BBS9: variants seen among roughly 807,000 people sequenced by gnomAD.
BBS9 encodes Bardet-Biedl syndrome 9.
In BBS9, 89 loss-of-function variants were observed where a neutral mutation model predicts 117.7. The observed-to-expected ratio is 0.76, with a 90% confidence interval of 0.64 to 0.90. The LOEUF is 0.90. BBS9 is among the 40% of genes least tolerant of loss of function. The pLI is 0.00. For synonymous variants in BBS9, 379 were observed against 370.9 expected (o/e 1.02, Z -0.25); for missense variants, 982 against 1,042.2 (o/e 0.94, Z 0.80).
intron 1 of BBS9, among the ~76,000 whole-genome samples, chr7:33,132,358 A>C (rs1789749773): frequency 6.6e-6 from 1 of 152,334 alleles, no homozygotes; most frequent in South Asian, 2.1e-4. Context: ...TTTTGTTATG[A>C]ATATCAAAAT....
At chr7:33,344,471 A>G in intron 11 of BBS9, 110 bp from the exon 12 acceptor site, 1 of 1,021,740 alleles carries the variant, frequency 9.8e-7, no homozygotes, top group Non-Finnish European at 1.6e-6. Context: ...TAAATCTTTT[A>G]TAGTTTCCTA....
In BBS9 at chr7:33,605,885, C is replaced by T. The variant is rs1864513401; in HGVS notation, c.*659C>T. The T allele has an allele frequency of 1.3e-5, 2 of 152,556 alleles. No homozygotes were observed. The highest frequency in any genetic ancestry group is 2.9e-5 in the Non-Finnish European group (2 of 68,352). The allele number at this position is 152,556 out of a possible 1,614,324, so 9.5% of individuals were successfully genotyped here. The stretch of plus-strand genomic sequence containing the variant: ...TTCAAGGAAGCTAGTACATTAACAT[C>T]CCCTTTTCATTACCCCATTGGGTGG... On this transcript the variant is annotated 3_prime_UTR_variant, in exon 23 of 23. Coordinates refer to ENST00000242067, the MANE Select transcript of BBS9 (RefSeq NM_198428.3).
intron 21 of BBS9, among the ~76,000 whole-genome samples, chr7:33,591,943 C>T (rs1861989580): frequency 6.6e-6 from 1 of 152,004 alleles, no homozygotes; most frequent in Non-Finnish European, 1.5e-5. Flanking sequence ...GAGTGGTTAT[C>T]TATGATAGTA....
chr7:33,492,202 C>CAA (rs1563251353), intron 19 of BBS9, among the ~76,000 whole-genome samples: 2 of 41,076 alleles, frequency 4.9e-5, no homozygotes, highest in East Asian at 1.5e-3. Context: ...GATTCCACCT[C>CAA]GAAAAAAAAA....
At chr7:33,532,111 T>A (rs1850670422) in intron 20 of BBS9, among the ~76,000 whole-genome samples, 2 of 152,156 alleles carry the variant, frequency 1.3e-5, no homozygotes, top group Admixed American at 6.5e-5. Flanking sequence ...GTGTGTGAAG[T>A]CTCAGAGCCC....
intron 17 of BBS9, among the ~76,000 whole-genome samples, chr7:33,378,107 C>A (rs1470253080): frequency 2.0e-5 from 3 of 152,162 alleles, no homozygotes; most frequent in Non-Finnish European, 4.4e-5. Context: ...CTGACGTCAC[C>A]TTCTCAATGT....
chr7:33,154,700 A>C (rs182826673), intron 3 of BBS9, among the ~76,000 whole-genome samples: 2 of 152,208 alleles, frequency 1.3e-5, no homozygotes, highest in East Asian at 3.9e-4. Flanking sequence ...TTCTGATCTC[A>C]GGAGATCCAC....
At chr7:33,502,130 G>A (rs1012598583) in intron 19 of BBS9, among the ~76,000 whole-genome samples, 14 of 152,062 alleles carry the variant, frequency 9.2e-5, no homozygotes, top group Non-Finnish European at 1.9e-4. Flanking sequence ...GGCTGCTCTC[G>A]AATGCCTGAC....
intron 17 of BBS9, among the ~76,000 whole-genome samples, chr7:33,375,575 ATTTCTTTC>A (rs370471689): frequency 4.7e-5 from 7 of 148,056 alleles, no homozygotes; most frequent in Admixed American, 4.7e-4. Context: ...CTAATTGCAA[ATTTCTTTC>A]TTTCTTTCTT....
chr7:33,438,040 A>G (rs1835579635), intron 19 of BBS9, among the ~76,000 whole-genome samples: 1 of 152,226 alleles, frequency 6.6e-6, no homozygotes, highest in Non-Finnish European at 1.5e-5. Flanking sequence ...AACAAAATGC[A>G]GAAAAGCATA....
At chr7:33,551,393 A>C (rs913393346) in intron 21 of BBS9, among the ~76,000 whole-genome samples, 3 of 152,146 alleles carry the variant, frequency 2.0e-5, no homozygotes. Flanking sequence ...AAATTACCTG[A>C]TATTTTTACC....
chr7:33,171,748 A>T (rs1208138374), intron 4 of BBS9, among the ~76,000 whole-genome samples: 1 of 152,184 alleles, frequency 6.6e-6, no homozygotes, highest in Non-Finnish European at 1.5e-5. Flanking sequence ...TGACTCAGAC[A>T]TTTTATGATT....
At chr7:33,296,342 T>C (rs1805274309) in intron 9 of BBS9, among the ~76,000 whole-genome samples, 1 of 152,142 alleles carries the variant, frequency 6.6e-6, no homozygotes, top group Non-Finnish European at 1.5e-5. Flanking sequence ...ATTTATGACA[T>C]TTGATCGTAT....
chr7:33,523,228 C>T (rs1163283785), intron 20 of BBS9, among the ~76,000 whole-genome samples: 7 of 148,146 alleles, frequency 4.7e-5, no homozygotes, highest in East Asian at 2.0e-4. Flanking sequence ...CTTGGTGATG[C>T]GGGCTCTTTT....
chr7:33,402,713 A>AATCAG lies in BBS9; in HGVS notation c.2115+14570_2115+14574dup, dbSNP rs1292873633. Among the ~76,000 whole-genome samples, 11 of 152,254 alleles carry AATCAG rather than the reference A, an allele frequency of 7.2e-5. No homozygotes were observed. In the South Asian group the frequency reaches 1.0e-3, roughly 14 times the overall value. Reference sequence around the variant, plus strand: ...TTTATTTCCTCAACTTTTATCTTAGAATCAGGCAGTACCTGTGCAGGCTTG... The same window carrying AATCAG: ...TTTATTTCCTCAACTTTTATCTTAGAATCAGATCAGGCAGTACCTGTGCAGGCTTG... On this transcript the variant is annotated intron_variant, in intron 19 of 22. Transcript: ENST00000242067.
intron 5 of BBS9, among the ~76,000 whole-genome samples, chr7:33,225,797 G>C (rs1791151042): frequency 6.7e-6 from 1 of 150,076 alleles, no homozygotes; most frequent in Non-Finnish European, 1.5e-5. Context: ...CTGCACTGTT[G>C]TGGTGGATAG....
intron 9 of BBS9, among the ~76,000 whole-genome samples, chr7:33,284,007 T>A (rs1305827645): frequency 2.0e-5 from 3 of 152,262 alleles, no homozygotes; most frequent in Non-Finnish European, 4.4e-5. Context: ...TGTCTTTCTG[T>A]CTTCATTGGT....
intron 19 of BBS9, among the ~76,000 whole-genome samples, chr7:33,448,897 C>T (rs1837369553): frequency 6.6e-6 from 1 of 152,204 alleles, no homozygotes; most frequent in East Asian, 1.9e-4. Context: ...TCAATTTTTT[C>T]TAAGTGCTTT....
intron 9 of BBS9, among the ~76,000 whole-genome samples, chr7:33,335,393 A>T (rs997030966): frequency 4.6e-5 from 7 of 152,268 alleles, no homozygotes; most frequent in Admixed American, 2.0e-4. Context: ...TAACCTTTAG[A>T]ACCAAGTAGA....
Sources: gnomAD v4.1 joint callset for allele counts (sites outside exome capture counted in the v4.1 genomes callset) on GRCh38, gnomAD v4.1.1 for gene constraint, MANE v1.5 for transcripts, NCBI Gene and HGNC (gene_info 2026-07-23, HGNC 2026-07-21) for gene names.